FRMD4A: variants seen among roughly 807,000 people sequenced by gnomAD.
FRMD4A encodes FERM domain-containing protein 4A.
In FRMD4A, 29 loss-of-function variants were observed where a neutral mutation model predicts 129.1. The observed-to-expected ratio is 0.22, with a 90% CI of 0.17 to 0.31. FRMD4A has a LOEUF of 0.31. FRMD4A is among the 10% of genes least tolerant of loss of function. The pLI, the probability that FRMD4A is intolerant of heterozygous loss-of-function variation, is 1.00. For missense variants in FRMD4A, 1,272 were observed against 1,375.8 expected (o/e 0.92, Z 1.19); for synonymous variants, 634 against 571.6 (o/e 1.11, Z -1.56).
In FRMD4A at chr10:13,971,489, G is replaced by A. The variant is rs371364867; in HGVS notation, c.46-112577C>T. ...CTTCACGTGGCGCACCGTATGGCAC[G>A]CATGGCACCTAGAAGATGAGGCTCT... is the stretch of plus-strand genomic sequence containing the variant. On this transcript the variant is annotated intron_variant, in intron 2 of 24. Transcript: ENST00000357447. Among the ~76,000 whole-genome samples, 25 of 152,266 alleles carry A rather than the reference G, an allele frequency of 1.6e-4. No individual in the cohort carries two copies. The East Asian group carries it at 2.3e-3, about 14-fold the overall frequency.
At chr10:13,841,898 C>T (rs1195373564) in intron 3 of FRMD4A, among the ~76,000 whole-genome samples, 3 of 152,152 alleles carry the variant, frequency 2.0e-5, no homozygotes, top group East Asian at 1.9e-4. Context: ...AGCTGGCATC[C>T]AAACTGAGAG....
intron 2 of FRMD4A, among the ~76,000 whole-genome samples, chr10:13,909,838 T>G (rs2094923356): frequency 6.6e-6 from 1 of 152,192 alleles, no homozygotes. Context: ...GCTTCAGAAT[T>G]GCCAGAAACA....
intron 2 of FRMD4A, among the ~76,000 whole-genome samples, chr10:14,037,635 G>A (rs1378226112): frequency 6.8e-6 from 1 of 146,728 alleles, no homozygotes; most frequent in African/African-American, 2.5e-5. Context: ...GAGTAGAATT[G>A]TTGGCTCAAA....
At chr10:14,324,091 G>T (rs139121077) in intron 2 of FRMD4A, among the ~76,000 whole-genome samples, 1 of 152,164 alleles carries the variant, frequency 6.6e-6, no homozygotes, top group Non-Finnish European at 1.5e-5. Context: ...TTCCCTTTCT[G>T]CCAATGCTAG....
chr10:14,164,798 A>T (rs916419932), intron 2 of FRMD4A, among the ~76,000 whole-genome samples: 1 of 152,224 alleles, frequency 6.6e-6, no homozygotes. Context: ...AGTTTGTCCA[A>T]CCTGCAACCC....
chr10:14,163,599 C>T (rs1384903777), intron 2 of FRMD4A, among the ~76,000 whole-genome samples: 1 of 152,196 alleles, frequency 6.6e-6, no homozygotes, highest in Non-Finnish European at 1.5e-5. Flanking sequence ...GTGTTTATTG[C>T]CTGGCACTCG....
chr10:14,103,812 C>T (rs1275043870), intron 2 of FRMD4A, among the ~76,000 whole-genome samples: 1 of 152,150 alleles, frequency 6.6e-6, no homozygotes, highest in Non-Finnish European at 1.5e-5. Context: ...TCTTCCCTCC[C>T]TCCCTATCAT....
chr10:14,007,228 C>T (rs747444429), intron 2 of FRMD4A: 12 of 152,076 alleles, frequency 7.9e-5, no homozygotes, highest in Non-Finnish European at 1.5e-4. Flanking sequence ...ATGTAGGTGA[C>T]GAAAACTCAT....
At chr10:14,100,006 T>C (rs929756545) in intron 2 of FRMD4A, among the ~76,000 whole-genome samples, 3 of 152,188 alleles carry the variant, frequency 2.0e-5, no homozygotes, top group African/African-American at 4.8e-5. Flanking sequence ...CCCTGCCATT[T>C]ATACAAACAC....
intron 2 of FRMD4A, among the ~76,000 whole-genome samples, chr10:14,222,501 G>A (rs1437409583): frequency 7.9e-5 from 12 of 152,144 alleles, no homozygotes; most frequent in Admixed American, 7.9e-4. Context: ...GTGAGAGAGA[G>A]AGAGAAATAG....
intron 5 of FRMD4A, among the ~76,000 whole-genome samples, chr10:13,789,947 G>T (rs2092958333): frequency 6.6e-6 from 1 of 152,086 alleles, no homozygotes; most frequent in Non-Finnish European, 1.5e-5. Flanking sequence ...GAGAATTCTA[G>T]AAAGATGCTC....
intron 2 of FRMD4A, among the ~76,000 whole-genome samples, chr10:14,174,584 TC>T (rs1364902944): frequency 1.4e-4 from 21 of 151,286 alleles, no homozygotes; most frequent in Admixed American, 6.6e-5. Context: ...TTCCTTCCTC[TC>T]TTAAGAAGTG....
At chr10:13,947,948 C>A (rs983291908) in intron 2 of FRMD4A, among the ~76,000 whole-genome samples, 1 of 151,766 alleles carries the variant, frequency 6.6e-6, no homozygotes, top group Admixed American at 6.6e-5. Flanking sequence ...CCTGTAATTC[C>A]GGCACTGAGA....
chr10:14,133,891 T>C (rs147059957), intron 2 of FRMD4A, among the ~76,000 whole-genome samples: 144 of 152,256 alleles, frequency 9.5e-4, no homozygotes, highest in African/African-American at 3.3e-3. Flanking sequence ...TGAATTCAGA[T>C]GGGAAAATAG....
At chr10:13,950,720 C>T (rs539862498) in intron 2 of FRMD4A, among the ~76,000 whole-genome samples, 2 of 152,316 alleles carry the variant, frequency 1.3e-5, no homozygotes, top group African/African-American at 2.4e-5. Flanking sequence ...GACATTTGCA[C>T]GCCCGCTTCC....
At chr10:13,843,039 C>T (rs954935210) in intron 3 of FRMD4A, among the ~76,000 whole-genome samples, 7 of 152,180 alleles carry the variant, frequency 4.6e-5, no homozygotes, top group Admixed American at 2.0e-4. Flanking sequence ...CTGGGAACTG[C>T]TGCATCACGC....
chr10:13,761,804 C>T (rs2092084716), intron 7 of FRMD4A, 135 bp from the exon 8 acceptor site: 3 of 636,828 alleles, frequency 4.7e-6, no homozygotes, highest in South Asian at 2.3e-5. Flanking sequence ...ATCCTATTTG[C>T]TGCAGGAATA....
chr10:13,847,844 C>T (rs777235884), intron 3 of FRMD4A, among the ~76,000 whole-genome samples: 5 of 152,184 alleles, frequency 3.3e-5, no homozygotes, highest in Admixed American at 6.5e-5. Flanking sequence ...CATAGCACAG[C>T]GGTAGACAAA....
intron 2 of FRMD4A, among the ~76,000 whole-genome samples, chr10:14,014,046 G>A (rs1489976909): frequency 2.0e-5 from 3 of 152,200 alleles, no homozygotes; most frequent in Non-Finnish European, 4.4e-5. Flanking sequence ...CTGGACGGGT[G>A]AAGACAGCGC....
Sources: gnomAD v4.1 joint callset for allele counts (sites outside exome capture counted in the v4.1 genomes callset) on GRCh38, gnomAD v4.1.1 for gene constraint, MANE v1.5 for transcripts, NCBI Gene and HGNC (gene_info 2026-07-23, HGNC 2026-07-21) for gene names.